The following TMEM132D variants were observed in gnomAD, a reference collection of about 807,000 sequenced individuals.
TMEM132D encodes the protein mature OL transmembrane protein.
TMEM132D carries 21 observed loss-of-function variants against 62.3 expected under a neutral mutation model. That is an observed-to-expected ratio of 0.34 (90% CI 0.24 to 0.49). The LOEUF (loss-of-function observed/expected upper bound fraction) is 0.49, where lower values mean the gene tolerates loss of function less well. Among genes scored for constraint, TMEM132D ranks in the 20% least tolerant of loss-of-function variants. TMEM132D has a pLI of 0.99. For synonymous variants in TMEM132D, 621 were observed against 575.6 expected (o/e 1.08, Z -1.13); for missense variants, 1,346 against 1,402.8 (o/e 0.96, Z 0.65).
intron 1 of TMEM132D, among the ~76,000 whole-genome samples, chr12:129,719,416 C>A (rs77132422): frequency 2.9e-3 from 447 of 152,270 alleles, no homozygotes; most frequent in Non-Finnish European, 5.3e-3. Context: ...CTAAATACAA[C>A]AGAACTAGAG....
intron 1 of TMEM132D, among the ~76,000 whole-genome samples, chr12:129,704,787 T>C (rs890993420): frequency 2.0e-5 from 3 of 152,284 alleles, no homozygotes; most frequent in African/African-American, 7.2e-5. Flanking sequence ...CAATAAAAGC[T>C]GCAGAGTAAC....
intron 1 of TMEM132D, among the ~76,000 whole-genome samples, chr12:129,717,600 G>A (rs1868637169): frequency 6.7e-6 from 1 of 149,014 alleles, no homozygotes; most frequent in Non-Finnish European, 1.5e-5. Context: ...ACAGAATATG[G>A]GAAACACAGA....
chr12:129,648,676 A>G (rs541134089), intron 2 of TMEM132D, among the ~76,000 whole-genome samples: 1 of 152,344 alleles, frequency 6.6e-6, no homozygotes, highest in Admixed American at 6.5e-5. Flanking sequence ...TTCAATTGGT[A>G]TACAAGTCAA....
chr12:129,088,536 C>T (rs1265397715), intron 5 of TMEM132D, among the ~76,000 whole-genome samples: 1 of 37,318 alleles, frequency 2.7e-5, no homozygotes, highest in Non-Finnish European at 4.4e-5. Context: ...CCTCTATGAC[C>T]GGGTGTCCTC....
intron 1 of TMEM132D, among the ~76,000 whole-genome samples, chr12:129,868,118 G>A (rs1874118279): frequency 6.7e-6 from 1 of 148,810 alleles, no homozygotes; most frequent in Non-Finnish European, 1.5e-5. Flanking sequence ...CATTTGTATG[G>A]TACACACATG....
chr12:129,736,517 C>G (rs1486413174), intron 1 of TMEM132D, among the ~76,000 whole-genome samples: 1 of 152,118 alleles, frequency 6.6e-6, no homozygotes, highest in African/African-American at 2.4e-5. Flanking sequence ...GAGTCACTCA[C>G]TGTTCAGGGA....
chr12:129,770,749 T>A (rs1181345834), intron 1 of TMEM132D, among the ~76,000 whole-genome samples: 11 of 152,212 alleles, frequency 7.2e-5, no homozygotes, highest in Non-Finnish European at 1.6e-4. Context: ...TCATCCACCA[T>A]AAAACCTATT....
At chr12:129,503,998 G>A (rs141085342) in intron 3 of TMEM132D, among the ~76,000 whole-genome samples, 148 of 150,808 alleles carry the variant, frequency 9.8e-4, no homozygotes, top group African/African-American at 3.5e-3. Flanking sequence ...CATCATTATT[G>A]TCATCATTAC....
At chr12:129,744,954 G>T (rs1869729030) in intron 1 of TMEM132D, among the ~76,000 whole-genome samples, 1 of 152,092 alleles carries the variant, frequency 6.6e-6, no homozygotes, top group South Asian at 2.1e-4. Context: ...TCATGGGGCG[G>T]TTTCCCCCAT....
chr12:129,166,434 G>GAGCTCCATCT (rs1476831975), intron 5 of TMEM132D, among the ~76,000 whole-genome samples: 1 of 152,034 alleles, frequency 6.6e-6, no homozygotes. Context: ...AATGTGGGCG[G>GAGCTCCATCT]ATGTGGCAGG....
At chr12:129,808,215 G>A (rs998886082) in intron 1 of TMEM132D, among the ~76,000 whole-genome samples, 13 of 152,108 alleles carry the variant, frequency 8.5e-5, no homozygotes, top group South Asian at 6.2e-4. Flanking sequence ...CTCTCTCATC[G>A]TCTCTAACGA....
intron 5 of TMEM132D, among the ~76,000 whole-genome samples, chr12:129,115,848 TC>T (rs1875877040): frequency 6.6e-6 from 1 of 152,208 alleles, no homozygotes; most frequent in Non-Finnish European, 1.5e-5. Flanking sequence ...CAGGGAGCTC[TC>T]AGGGGGCATG....
At chr12:129,171,960 C>T (rs1422158764) in intron 5 of TMEM132D, among the ~76,000 whole-genome samples, 1 of 152,178 alleles carries the variant, frequency 6.6e-6, no homozygotes, top group Non-Finnish European at 1.5e-5. Flanking sequence ...GACAGTCAGC[C>T]TGTCCTTTGG....
At chr12:129,390,427 T>C (rs10847855) in intron 3 of TMEM132D, among the ~76,000 whole-genome samples, 104,679 of 151,906 alleles carry the variant, frequency 0.69, 36,900 homozygotes, top group Non-Finnish European at 0.77. Flanking sequence ...CCTTTCCTTC[T>C]ATGGCAAGCT....
At chr12:129,540,421 A>G (rs1157845020) in intron 2 of TMEM132D, among the ~76,000 whole-genome samples, 1 of 152,178 alleles carries the variant, frequency 6.6e-6, no homozygotes, top group Non-Finnish European at 1.5e-5. Context: ...GAAGTGAGTA[A>G]TTCGAGGAGA....
chr12:129,813,631 T>TATATATATATATATATATATATATATA (rs36010730), intron 1 of TMEM132D, among the ~76,000 whole-genome samples: 23 of 144,006 alleles, frequency 1.6e-4, no homozygotes, highest in East Asian at 8.6e-4. Context: ...TATATATATA[T>TATATATATATATATATATATATATATA]TTTCAGGACT....
intron 4 of TMEM132D, among the ~76,000 whole-genome samples, chr12:129,218,431 C>T (rs1267735066): frequency 6.6e-6 from 1 of 152,142 alleles, no homozygotes; most frequent in East Asian, 1.9e-4. Flanking sequence ...TCCTGGGCTA[C>T]ACATCTGTAT....
At chr12:129,089,822 A>T (rs753078947) in intron 5 of TMEM132D, among the ~76,000 whole-genome samples, 1 of 152,224 alleles carries the variant, frequency 6.6e-6, no homozygotes, top group African/African-American at 2.4e-5. Context: ...TCACCAGGAC[A>T]CAGGGGGCAG....
intron 2 of TMEM132D, among the ~76,000 whole-genome samples, chr12:129,564,764 C>A (rs1047564127): frequency 4.6e-5 from 7 of 152,132 alleles, no homozygotes; most frequent in Non-Finnish European, 8.8e-5. Flanking sequence ...ACAGTGAAAC[C>A]AAGATGTTTT....
Sources: allele counts gnomAD v4.1 joint callset (sites outside exome capture counted in the v4.1 genomes callset), GRCh38; gene constraint gnomAD v4.1.1; transcripts MANE v1.5; gene names NCBI Gene and HGNC (gene_info 2026-07-23, HGNC 2026-07-21).